The following NFIA variants were observed in gnomAD, a reference collection of about 807,000 sequenced individuals.
The protein encoded by NFIA is nuclear factor I A.
In NFIA, 8 loss-of-function variants were observed where a neutral mutation model predicts 62.8. The ratio of observed to expected loss-of-function variants is 0.13; its 90% CI spans 0.07 to 0.23. The LOEUF is 0.23. NFIA is among the 10% of genes least tolerant of loss of function. The probability of loss-of-function intolerance (pLI) is 1.00; values close to 1 mark genes in which losing one functional copy is unlikely to be tolerated. For missense variants in NFIA, 410 were observed against 642.1 expected (o/e 0.64, Z 3.91); for synonymous variants, 235 against 238.1 (o/e 0.99, Z 0.12).
At chr1:61,297,869 G>A (rs1659271628) in intron 3 of NFIA, among the ~76,000 whole-genome samples, 1 of 152,126 alleles carries the variant, frequency 6.6e-6, no homozygotes, top group Non-Finnish European at 1.5e-5. Context: ...GGGTAAGGAG[G>A]ATAGAGAAAG....
At chr1:61,168,899 T>C (rs1649761218) in intron 2 of NFIA, among the ~76,000 whole-genome samples, 1 of 152,220 alleles carries the variant, frequency 6.6e-6, no homozygotes. Flanking sequence ...CCTTTGCTTA[T>C]GGAAGGCCCT....
chr1:61,153,990 C>G (rs565890347), intron 2 of NFIA, among the ~76,000 whole-genome samples: 16 of 152,114 alleles, frequency 1.1e-4, no homozygotes, highest in African/African-American at 3.9e-4. Flanking sequence ...CATTTTCTCC[C>G]TTTAGTCAAG....
chr1:61,317,036 A>C (rs1211264809), intron 3 of NFIA, among the ~76,000 whole-genome samples: 1 of 152,260 alleles, frequency 6.6e-6, no homozygotes, highest in South Asian at 2.1e-4. Flanking sequence ...AATTTAAATA[A>C]CTTTTTTTCA....
chr1:61,110,701 G>C (rs1187085309), intron 2 of NFIA, among the ~76,000 whole-genome samples: 1 of 152,014 alleles, frequency 6.6e-6, no homozygotes, highest in Admixed American at 6.6e-5. Flanking sequence ...TTATATGTCA[G>C]ACTGATAAGT....
intron 2 of NFIA, among the ~76,000 whole-genome samples, chr1:61,128,170 A>C (rs1378467167): frequency 6.6e-6 from 1 of 152,122 alleles, no homozygotes; most frequent in Non-Finnish European, 1.5e-5. Flanking sequence ...ACGCTGGCTC[A>C]AACTCCTGGC....
At chr1:61,251,270 C>T (rs1263361316) in intron 2 of NFIA, 1 of 152,310 alleles carries the variant, frequency 6.6e-6, no homozygotes, top group Middle Eastern at 3.4e-3. Context: ...CTCTTTACTA[C>T]GTACATACAC....
chr1:61,407,270 T>G (rs1201838659), intron 9 of NFIA, among the ~76,000 whole-genome samples: 1 of 151,888 alleles, frequency 6.6e-6, no homozygotes, highest in African/African-American at 2.4e-5. Flanking sequence ...AGTCGCATGG[T>G]GAGGTTTGGC....
intron 9 of NFIA, among the ~76,000 whole-genome samples, chr1:61,415,515 G>T (rs897252586): frequency 9.2e-5 from 14 of 151,998 alleles, no homozygotes; most frequent in African/African-American, 3.4e-4. Flanking sequence ...AGAAAGACAA[G>T]AAAGGGATAT....
At chr1:61,281,145 A>G (rs1182978746) in intron 3 of NFIA, among the ~76,000 whole-genome samples, 2 of 152,036 alleles carry the variant, frequency 1.3e-5, no homozygotes, top group Non-Finnish European at 2.9e-5. Flanking sequence ...AGGCTGAGGC[A>G]GCAGACTATC....
intron 3 of NFIA, among the ~76,000 whole-genome samples, chr1:61,329,109 G>A (rs1490253565): frequency 2.0e-5 from 3 of 147,760 alleles, no homozygotes; most frequent in South Asian, 2.1e-4. Context: ...GTGCAGTGGC[G>A]CGATCTTGGC....
chr1:61,425,898 C>G (rs1397678203), intron 9 of NFIA, among the ~76,000 whole-genome samples: 1 of 152,174 alleles, frequency 6.6e-6, no homozygotes, highest in East Asian at 1.9e-4. Context: ...CATAAAGATT[C>G]TAGACACTAC....
At position 61,402,033 on chromosome 1, in the gene NFIA, C is replaced by CTTTTTTTTTTTT. The variant is rs10636290; in HGVS notation, c.1076-2060_1076-2049dup. The stretch of plus-strand genomic sequence containing the variant: ...GAAGTCCTAAGTTTTACTCATTTTT[C>CTTTTTTTTTTTT]TTTTTTTTTTTTTTTTTTTTTTGAG... On this transcript the variant is annotated intron_variant, in intron 7 of 10. Transcript: ENST00000403491. 1.6e-3 allele frequency among the ~76,000 whole-genome samples: 155 copies of CTTTTTTTTTTTT among 94,566 alleles called. 1 individual carries two copies. Among genetic ancestry groups the CTTTTTTTTTTTT allele is most frequent in the East Asian group, 2.5e-3 (7 of 2,766 alleles). 62.0% of individuals were successfully genotyped at this position (94,566 alleles called of 152,430 possible). A position where few individuals can be genotyped will look rare whatever the true frequency, so the allele number is the denominator to read the frequency against.
chr1:61,373,336 G>C (rs1159930274), intron 6 of NFIA, among the ~76,000 whole-genome samples: 1 of 152,110 alleles, frequency 6.6e-6, no homozygotes, highest in East Asian at 1.9e-4. Flanking sequence ...ACCTTTTCTC[G>C]TGTTCATTAC....
chr1:61,209,082 T>A (rs332821), intron 2 of NFIA, among the ~76,000 whole-genome samples: 104,068 of 151,922 alleles, frequency 0.69, 37,476 homozygotes, highest in African/African-American at 0.92. Context: ...AGAACTGCTG[T>A]ATTAAGGAAA....
At chr1:61,100,889 C>G (rs1245252574) in intron 2 of NFIA, among the ~76,000 whole-genome samples, 1 of 151,974 alleles carries the variant, frequency 6.6e-6, no homozygotes, top group Non-Finnish European at 1.5e-5. Flanking sequence ...AGCTGCCAAA[C>G]CTGGCCTATA....
At chr1:61,080,332 C>CT (rs1007506797), upstream of NFIA, among the ~76,000 whole-genome samples, 34 of 150,472 alleles carry the variant, frequency 2.3e-4, 1 homozygote, top group African/African-American at 7.5e-4. Context: ...TAAAAAAAAT[C>CT]TTTTTTTTCC....
At chr1:61,139,239 C>A (rs1472684949) in intron 2 of NFIA, among the ~76,000 whole-genome samples, 1 of 152,128 alleles carries the variant, frequency 6.6e-6, no homozygotes, top group Non-Finnish European at 1.5e-5. Flanking sequence ...AGAAATAATT[C>A]TTAACACATT....
intron 4 of NFIA, among the ~76,000 whole-genome samples, chr1:61,343,542 C>T (rs12743816): frequency 0.094 from 14,329 of 152,132 alleles, 826 homozygotes; most frequent in Middle Eastern, 0.17. Flanking sequence ...TAGTACATTT[C>T]GTAAAAAGCA....
In NFIA at chr1:61,362,559, A is replaced by G. The variant is rs556231537; in HGVS notation, c.946+3285A>G. Among the ~76,000 whole-genome samples, 26 of 152,370 alleles carry G rather than the reference A, an allele frequency of 1.7e-4. No homozygotes were observed. The East Asian group carries it at 3.7e-3, about 21-fold the overall frequency. ...GAGCAACAGGAAGATTGTGGAAAGT[A>G]AAACAAACCAGACATGCAGTAAATT... On this transcript the variant is annotated intron_variant, in intron 6 of 10. Transcript: ENST00000403491.
Sources: allele counts gnomAD v4.1 joint callset (sites outside exome capture counted in the v4.1 genomes callset), GRCh38; gene constraint gnomAD v4.1.1; transcripts MANE v1.5; gene names NCBI Gene and HGNC (gene_info 2026-07-23, HGNC 2026-07-21).